CDC73: variants seen among roughly 807,000 people sequenced by gnomAD.
CDC73 encodes the protein parafibromin.
CDC73 carries 21 observed loss-of-function variants against 83.7 expected under a neutral mutation model. That is an observed-to-expected ratio of 0.25 (90% CI 0.18 to 0.36). CDC73 has a LOEUF of 0.36. Among genes scored for constraint, CDC73 ranks in the 10% least tolerant of loss-of-function variants. CDC73 has a pLI of 1.00. For missense variants in CDC73, 342 were observed against 653.3 expected (o/e 0.52, Z 5.19); for synonymous variants, 224 against 212.9 (o/e 1.05, Z -0.45).
intron 8 of CDC73, among the ~76,000 whole-genome samples, 156 bp downstream of exon 8, chr1:193,148,121 A>G (rs1214979811): frequency 1.3e-5 from 2 of 152,232 alleles, no homozygotes; most frequent in African/African-American, 2.4e-5. Context: ...CCTCCCCAAC[A>G]TTAAAAGTTA....
chr1:193,233,238 T>A, intron 14 of CDC73, 84 bp downstream of exon 14: 1 of 1,270,584 alleles, frequency 7.9e-7, no homozygotes, highest in Non-Finnish European at 1.1e-6. Flanking sequence ...ATGACGTTGC[T>A]TTTTAAGAGA....
At chr1:193,247,341 TA>T (rs1472199108) in intron 15 of CDC73, among the ~76,000 whole-genome samples, 1 of 152,048 alleles carries the variant, frequency 6.6e-6, no homozygotes, top group Non-Finnish European at 1.5e-5. Context: ...CTTAGATTGA[TA>T]ACTGTTGTTC....
At chr1:193,195,058 C>A (rs962916608) in intron 10 of CDC73, among the ~76,000 whole-genome samples, 1 of 152,078 alleles carries the variant, frequency 6.6e-6, no homozygotes, top group African/African-American at 2.4e-5. Context: ...TTGACTCACA[C>A]AGGTATGGAG....
At chr1:193,196,719 G>A (rs1166332020) in intron 10 of CDC73, among the ~76,000 whole-genome samples, 1 of 152,014 alleles carries the variant, frequency 6.6e-6, no homozygotes, top group Non-Finnish European at 1.5e-5. Flanking sequence ...ATTGTAAGTG[G>A]AATTGTTTTC....
At chr1:193,135,953 C>T (rs1164597634) in intron 5 of CDC73, among the ~76,000 whole-genome samples, 2 of 150,002 alleles carry the variant, frequency 1.3e-5, no homozygotes, top group African/African-American at 2.5e-5. Flanking sequence ...ATTGTAGCCT[C>T]GACCTCCGGG....
chr1:193,162,252 A>G lies in CDC73; in HGVS notation c.972+9808A>G, dbSNP rs538880457. Among the ~76,000 whole-genome samples the G allele has an allele frequency of 4.9e-4, 60 of 122,726 alleles. 2 individuals carry two copies. Among genetic ancestry groups the G allele is most frequent in the Non-Finnish European group, 9.0e-4 (57 of 63,120 alleles). 80.5% of individuals were successfully genotyped at this position (122,726 alleles called of 152,430 possible). A position where few individuals can be genotyped will look rare whatever the true frequency, so the allele number is the denominator to read the frequency against. ...TTATATTGTATATAATATATAATAA[A>G]TATAGTATATATAATAGATAATATA... is the stretch of plus-strand genomic sequence containing the variant. On this transcript the variant is annotated intron_variant, in intron 10 of 16. Transcript: ENST00000367435.
intron 10 of CDC73, among the ~76,000 whole-genome samples, chr1:193,172,081 C>T (rs1326113967): frequency 1.3e-5 from 2 of 152,038 alleles, no homozygotes; most frequent in Non-Finnish European, 2.9e-5. Flanking sequence ...TGCGCCACCA[C>T]ACCTGGCTAA....
At chr1:193,139,010 G>A (rs1203197844) in intron 6 of CDC73, among the ~76,000 whole-genome samples, 2 of 151,946 alleles carry the variant, frequency 1.3e-5, no homozygotes, top group African/African-American at 2.4e-5. Flanking sequence ...TCCTGAACTC[G>A]TGATCTGTCC....
rs80356647 is a variant in CDC73 at position 193,212,108 on chromosome 1, T to C, written c.1066+8T>C. The C allele has an allele frequency of 1.9e-4, 299 of 1,575,770 alleles. No homozygotes were observed. The highest frequency in any genetic ancestry group is 2.5e-4 in the Non-Finnish European group (285 of 1,154,932). Reference sequence around the variant, plus strand: ...CCCCAAATCAGAAGAAAGGTGAGGTTGTGCATATGATTTTAAACTTAACTT... The same window carrying C: ...CCCCAAATCAGAAGAAAGGTGAGGTCGTGCATATGATTTTAAACTTAACTT... On this transcript the variant is annotated splice_region_variant and intron_variant, in intron 12 of 16. Transcript: ENST00000367435.
intron 7 of CDC73, among the ~76,000 whole-genome samples, chr1:193,146,434 G>T (rs1298756716): frequency 1.3e-5 from 2 of 152,080 alleles, no homozygotes; most frequent in African/African-American, 2.4e-5. Context: ...CAAGAGCATA[G>T]CAGTGGCATC....
Position 193,138,807 on chromosome 1 carries a change from C to G in CDC73, c.512+634C>G, listed in dbSNP as rs1157669568. 2.3e-5 allele frequency among the ~76,000 whole-genome samples: 3 copies of G among 128,460 alleles called. No homozygotes were observed. In the Admixed American group the frequency reaches 2.5e-4, roughly 11 times the overall value. 84.3% of individuals were successfully genotyped at this position (128,460 alleles called of 152,430 possible). A position where few individuals can be genotyped will look rare whatever the true frequency, so the allele number is the denominator to read the frequency against. On this transcript the variant is annotated intron_variant, in intron 6 of 16. Coordinates refer to ENST00000367435, the MANE Select transcript of CDC73 (RefSeq NM_024529.5). ...TTTTTTTTTTGGAGACGGAGTTTCA[C>G]TTTTTCACCCAGGCTAGAGTGCAGT...
intron 13 of CDC73, among the ~76,000 whole-genome samples, chr1:193,220,157 C>CTTTTTTTTT (rs776793164): frequency 2.8e-5 from 3 of 108,776 alleles, no homozygotes; most frequent in Non-Finnish European, 3.7e-5. Flanking sequence ...ACAATGATAA[C>CTTTTTTTTT]TTTTTTTTTT....
At chr1:193,225,347 G>A (rs972612376) in intron 13 of CDC73, among the ~76,000 whole-genome samples, 4 of 151,688 alleles carry the variant, frequency 2.6e-5, no homozygotes, top group South Asian at 2.1e-4. Context: ...TTGCAATTGC[G>A]AATTGTGCTG....
At chr1:193,167,654 A>ATTTTAATT (rs1300320273) in intron 10 of CDC73, among the ~76,000 whole-genome samples, 5 of 152,046 alleles carry the variant, frequency 3.3e-5, no homozygotes, top group Non-Finnish European at 5.9e-5. Flanking sequence ...TCACAGCCTA[A>ATTTTAATT]TTTTAATTTT....
chr1:193,122,973 CG>C (rs1242498115), intron 1 of CDC73, among the ~76,000 whole-genome samples: 2 of 152,068 alleles, frequency 1.3e-5, no homozygotes, highest in Non-Finnish European at 2.9e-5. Context: ...TGTGATTTTT[CG>C]GAAGTGTATT....
intron 10 of CDC73, among the ~76,000 whole-genome samples, chr1:193,199,569 G>T (rs1033089221): frequency 2.0e-5 from 3 of 151,346 alleles, no homozygotes; most frequent in Non-Finnish European, 4.4e-5. Flanking sequence ...AACATTAGCC[G>T]GACATTGATG....
Position 193,208,869 on chromosome 1 carries a change from C to A in CDC73, c.1031-3196C>A, listed in dbSNP as rs543373957. On this transcript the variant is annotated intron_variant, in intron 11 of 16. Coordinates refer to ENST00000367435, the MANE Select transcript of CDC73 (RefSeq NM_024529.5). ...ATTCCTACCTCTTATCTGAACTGTT[C>A]GCCTACTTGTTCTTGGCAAGTTGGC... 6.1e-4 allele frequency among the ~76,000 whole-genome samples: 93 copies of A among 152,180 alleles called. 1 individual carries two copies. The highest frequency in any genetic ancestry group is 2.1e-4 in the Non-Finnish European group (14 of 67,988).
At chr1:193,234,271 A>AATATATATAATTTATTATATATATT (rs1439782612) in intron 14 of CDC73, among the ~76,000 whole-genome samples, 1 of 137,176 alleles carries the variant, frequency 7.3e-6, no homozygotes, top group Non-Finnish European at 1.5e-5. Context: ...ATTTAATTAT[A>AATATATATAATTTATTATATATATT]ATATATATAA....
chr1:193,249,312 A>G (rs1308900021), intron 15 of CDC73, among the ~76,000 whole-genome samples: 2 of 152,068 alleles, frequency 1.3e-5, no homozygotes, highest in African/African-American at 2.4e-5. Context: ...ACATAATGCT[A>G]TTGCACACGT....
Sources: allele counts gnomAD v4.1 joint callset (sites outside exome capture counted in the v4.1 genomes callset), GRCh38; gene constraint gnomAD v4.1.1; transcripts MANE v1.5; gene names NCBI Gene and HGNC (gene_info 2026-07-23, HGNC 2026-07-21).